The following DOK4 variants were observed in gnomAD, a reference collection of about 807,000 sequenced individuals.
The protein encoded by DOK4 is docking protein 4.
In DOK4, 26 loss-of-function variants were observed where a neutral mutation model predicts 40.1. That is an observed-to-expected ratio of 0.65 (90% CI 0.48 to 0.90). The LOEUF (loss-of-function observed/expected upper bound fraction) is 0.90. Ranked by LOEUF, DOK4 falls within the 40% of genes least tolerant of loss-of-function variation. The probability of loss-of-function intolerance (pLI) is 0.00; values close to 1 mark genes in which losing one functional copy is unlikely to be tolerated. For synonymous variants in DOK4, 179 were observed against 177.0 expected (o/e 1.01, Z -0.09); for missense variants, 392 against 437.2 (o/e 0.90, Z 0.92).
chr16:57,480,330 C>T (rs2031367778), intron 1 of DOK4: 1 of 152,356 alleles, frequency 6.6e-6, no homozygotes, highest in African/African-American at 2.4e-5. Flanking sequence ...GAATCACTAC[C>T]TCGAGCTCAC....
intron 1 of DOK4, among the ~76,000 whole-genome samples, chr16:57,483,655 A>C (rs1313507513): frequency 6.6e-6 from 1 of 152,128 alleles, no homozygotes; most frequent in African/African-American, 2.4e-5. Flanking sequence ...ATCAATTAAA[A>C]AAATACAAAA....
intron 1 of DOK4, chr16:57,480,354 C>T (rs1274021283): frequency 6.7e-6 from 1 of 150,318 alleles, no homozygotes; most frequent in Non-Finnish European, 1.5e-5. Flanking sequence ...GGGCCTGTTC[C>T]CAGGCCCTGC....
intron 2 of DOK4, 47 bp from the exon 3 acceptor site, chr16:57,476,004 C>A: frequency 6.6e-7 from 1 of 1,508,114 alleles, no homozygotes; most frequent in Non-Finnish European, 9.1e-7. Context: ...ACCACTCCCA[C>A]CCCACCAGCA....
At chr16:57,482,305 G>T (rs1408598587) in intron 1 of DOK4, among the ~76,000 whole-genome samples, 4 of 151,100 alleles carry the variant, frequency 2.6e-5, no homozygotes, top group African/African-American at 7.3e-5. Flanking sequence ...GGGACCGCAG[G>T]TACATACCAC....
At chr16:57,484,031 G>C (rs929182043) in intron 1 of DOK4, 3 of 152,308 alleles carry the variant, frequency 2.0e-5, no homozygotes, top group African/African-American at 7.2e-5. Context: ...CCCCAGGAAG[G>C]GCTGGTGTCC....
At position 57,479,504 on chromosome 16, in the gene DOK4, C is replaced by T. The variant is rs374756187; in HGVS notation, c.4G>A (p.Ala2Thr). 13 of 1,613,590 alleles carry T rather than the reference C, an allele frequency of 8.1e-6. No homozygotes were observed. The highest frequency in any genetic ancestry group is 1.6e-4 in the Middle Eastern group (1 of 6,062). Residue 2 changes from alanine (A) to threonine (T), a missense_variant, in exon 2 of 9, where the codon GCG becomes ACG. Coordinates refer to ENST00000340099, the Ensembl canonical transcript of DOK4. The surrounding 1 kb of genome is among the most constrained non-coding windows in gnomAD (Gnocchi z 5.8). ...TTGACGATGTCACTGAAATTGGTCG[C>T]CATGGTTTTCCCACCTTTTAGGGGC... is the stretch of plus-strand genomic sequence containing the variant.
intron 2 of DOK4, among the ~76,000 whole-genome samples, chr16:57,478,071 C>T (rs1461696768): frequency 6.6e-6 from 1 of 152,236 alleles, no homozygotes; most frequent in African/African-American, 2.4e-5. Context: ...AGTCTGGGGC[C>T]ATAGGAATGA....
exon 8 of DOK4, chr16:57,473,618 T>C (rs1477752375): frequency 6.2e-7 from 1 of 1,614,112 alleles, no homozygotes; most frequent in African/African-American, 1.3e-5. Flanking sequence ...CTCACCAGCA[T>C]AGCTGGAGGC....
In DOK4 at chr16:57,473,605, C is replaced by T. The variant is rs773409019; in HGVS notation, c.862+8G>A. On this transcript the variant is annotated splice_region_variant and intron_variant, in intron 8 of 8. Transcript: ENST00000340099. ...GGCAGGTGGGTGTGGGGCATGGAAGCGACTCACCAGCATAGCTGGAGGCTT... is the reference window on the plus strand; with the variant it reads ...GGCAGGTGGGTGTGGGGCATGGAAGTGACTCACCAGCATAGCTGGAGGCTT... The T allele has an allele frequency of 1.1e-5, 17 of 1,614,238 alleles. No homozygotes were observed. Among genetic ancestry groups the T allele is most frequent in the East Asian group, 2.2e-5 (1 of 44,890 alleles).
intron 1 of DOK4, among the ~76,000 whole-genome samples, chr16:57,484,625 C>T (rs1434993693): frequency 2.6e-5 from 4 of 152,148 alleles, no homozygotes; most frequent in African/African-American, 9.7e-5. Context: ...GGGTCCCCTG[C>T]CCACCCCTCA....
chr16:57,472,134 G>GTTGAGAGC (rs1306176607), exon 9 of DOK4: 2 of 152,484 alleles, frequency 1.3e-5, no homozygotes, highest in African/African-American at 4.8e-5. Context: ...CCCGGGTCAC[G>GTTGAGAGC]TTGAGAGCGA....
chr16:57,477,923 C>T (rs2031255455), intron 2 of DOK4, among the ~76,000 whole-genome samples: 1 of 152,212 alleles, frequency 6.6e-6, no homozygotes, highest in South Asian at 2.1e-4. Flanking sequence ...CCAGGCTGTG[C>T]CCACCTGTCA....
Position 57,485,196 on chromosome 16 carries a change from C to A in DOK4, c.-182+1109G>T, listed in dbSNP as rs2031511532. On this transcript the variant is annotated intron_variant, in intron 1 of 8. Coordinates refer to ENST00000340099, the Ensembl canonical transcript of DOK4. This position sits in a 1 kb window ranked among gnomAD's most constrained non-coding sequence, Gnocchi z 4.3. ...GAGAACCAGCTGTGCCCAAGACCCG[C>A]AGTTTGGTTCAGAGCTGCCTCAGGG... is the stretch of plus-strand genomic sequence containing the variant. Among the ~76,000 whole-genome samples the A allele has an allele frequency of 1.3e-5, 2 of 152,236 alleles. No homozygotes were observed. Among genetic ancestry groups the A allele is most frequent in the African/African-American group, 4.8e-5 (2 of 41,462 alleles).
chr16:57,474,159 G>A, intron 6 of DOK4, 120 bp from the exon 7 acceptor site: 1 of 1,416,238 alleles, frequency 7.1e-7, no homozygotes. Context: ...GACAGGTAGG[G>A]CTGTGGTCTG....
intron 1 of DOK4, chr16:57,480,443 C>G (rs1168482464): frequency 6.5e-6 from 1 of 152,728 alleles, no homozygotes; most frequent in African/African-American, 2.4e-5. Flanking sequence ...CCAGATAAGC[C>G]TGAGGAATGT....
intron 1 of DOK4, among the ~76,000 whole-genome samples, chr16:57,483,721 C>T (rs1037559965): frequency 2.6e-5 from 4 of 152,110 alleles, no homozygotes; most frequent in African/African-American, 7.2e-5. Context: ...TAGCCCCTGC[C>T]CTGTTTGTCC....
At position 57,474,994 on chromosome 16, in the gene DOK4, G is replaced by A; in HGVS notation, c.410-12C>T. On this transcript the variant is annotated splice_polypyrimidine_tract_variant and intron_variant, in intron 5 of 8. Coordinates refer to ENST00000340099, the Ensembl canonical transcript of DOK4. ...GACATTGAAGCGATCTGGAGTGGGG[G>A]AGGGTGGACAAGTGGGACCAGAGTT... 1 of 1,603,322 alleles carries A rather than the reference G, an allele frequency of 6.2e-7. No individual in the cohort carries two copies. The highest frequency in any genetic ancestry group is 1.3e-5 in the African/African-American group (1 of 74,902).
In DOK4 at chr16:57,479,163, G is replaced by A. The variant is rs760377112; in HGVS notation, c.66+279C>T. 1.6e-4 allele frequency among the ~76,000 whole-genome samples: 24 copies of A among 152,294 alleles called. No individual in the cohort carries two copies. Among genetic ancestry groups the A allele is most frequent in the Middle Eastern group, 3.4e-3 (1 of 294 alleles). Reference sequence around the variant, plus strand: ...CAACTTCAACAATAGCAGGGGAGCCGCCTGCCCATCGGTGGCCACCATTGC... The same window carrying A: ...CAACTTCAACAATAGCAGGGGAGCCACCTGCCCATCGGTGGCCACCATTGC... On this transcript the variant is annotated intron_variant, in intron 2 of 8. Transcript: ENST00000340099. The surrounding 1 kb of genome is among the most constrained non-coding windows in gnomAD (Gnocchi z 5.8).
rs1414218998 is a variant in DOK4 at position 57,485,476 on chromosome 16, A to G, written c.-182+829T>C. On this transcript the variant is annotated intron_variant, in intron 1 of 8. Coordinates refer to ENST00000340099, the Ensembl canonical transcript of DOK4. The surrounding 1 kb of genome is among the most constrained non-coding windows in gnomAD (Gnocchi z 4.3). The stretch of plus-strand genomic sequence containing the variant: ...AAGGGTCCAGGAAAGAACCTGCCCT[A>G]AGCAAGCCCACCTCACACTGCCCAA... Among the ~76,000 whole-genome samples, 7 of 152,142 alleles carry G rather than the reference A, an allele frequency of 4.6e-5. No individual in the cohort carries two copies. The highest frequency in any genetic ancestry group is 8.8e-5 in the Non-Finnish European group (6 of 68,006).
Sources: allele counts gnomAD v4.1 joint callset (sites outside exome capture counted in the v4.1 genomes callset), GRCh38; gene constraint gnomAD v4.1.1; non-coding constraint Gnocchi (gnomAD v3.1); transcripts MANE v1.5; gene names NCBI Gene and HGNC (gene_info 2026-07-23, HGNC 2026-07-21).